SRSF11: variants seen among roughly 807,000 people sequenced by gnomAD.
The protein encoded by SRSF11 is serine and arginine rich splicing factor 11.
In SRSF11, 9 loss-of-function variants were observed where a neutral mutation model predicts 56.0. The ratio of observed to expected loss-of-function variants is 0.16; its 90% CI spans 0.10 to 0.28. SRSF11 has a LOEUF of 0.28. Ranked by LOEUF, SRSF11 falls within the 10% of genes least tolerant of loss-of-function variation. The probability of loss-of-function intolerance (pLI) is 1.00; values close to 1 mark genes in which losing one functional copy is unlikely to be tolerated. For missense variants in SRSF11, 421 were observed against 600.7 expected (o/e 0.70, Z 3.13); for synonymous variants, 222 against 215.3 (o/e 1.03, Z -0.27).
intron 7 of SRSF11, among the ~76,000 whole-genome samples, chr1:70,239,739 G>T (rs1674905673): frequency 6.6e-6 from 1 of 152,110 alleles, no homozygotes; most frequent in South Asian, 2.1e-4. Flanking sequence ...TTCAGAGGTG[G>T]TAGGAAAGCA....
intron 5 of SRSF11, among the ~76,000 whole-genome samples, chr1:70,236,455 C>G (rs529093143): frequency 1.3e-5 from 2 of 151,848 alleles, no homozygotes; most frequent in South Asian, 4.2e-4. Flanking sequence ...CTTAGCCTCC[C>G]AAGTAGCTGG....
At chr1:70,223,792 G>A (rs1271069160) in intron 1 of SRSF11, among the ~76,000 whole-genome samples, 1 of 152,112 alleles carries the variant, frequency 6.6e-6, no homozygotes, top group Non-Finnish European at 1.5e-5. Flanking sequence ...GGCACAAGTT[G>A]CATATAGTTC....
At chr1:70,217,909 C>G (rs1257073968), upstream of SRSF11, among the ~76,000 whole-genome samples, 5 of 152,142 alleles carry the variant, frequency 3.3e-5, no homozygotes, top group Non-Finnish European at 7.4e-5. Context: ...GACACAGGTT[C>G]TTAGAAGTGA....
chr1:70,207,669 A>T (rs1277169240), intron 1 of SRSF11, among the ~76,000 whole-genome samples: 1 of 151,592 alleles, frequency 6.6e-6, no homozygotes, highest in Non-Finnish European at 1.5e-5. Context: ...GAATTGCTCG[A>T]GTACAAAATT....
intron 5 of SRSF11, 79 bp from the exon 6 acceptor site, chr1:70,237,346 T>TTA: frequency 6.4e-7 from 1 of 1,559,800 alleles, no homozygotes; most frequent in Non-Finnish European, 8.7e-7. Flanking sequence ...TAAAATAATG[T>TTA]TATATACTTA....
chr1:70,205,762 C>T (rs1032618727), exon 1 of SRSF11: 14 of 461,070 alleles, frequency 3.0e-5, no homozygotes, highest in Non-Finnish European at 4.3e-5. Context: ...GCCTAGCGTC[C>T]TGGAATTACT....
intron 2 of SRSF11, chr1:70,229,789 G>A (rs1203971542): frequency 4.1e-6 from 4 of 983,972 alleles, no homozygotes; most frequent in Middle Eastern, 5.2e-4. Flanking sequence ...GTTTTCTAAA[G>A]AAATTAACTT....
chr1:70,234,932 A>G, intron 4 of SRSF11, 144 bp downstream of exon 4: 1 of 608,196 alleles, frequency 1.6e-6, no homozygotes. Flanking sequence ...AGCTTTAAAC[A>G]GTCACTGAAT....
Position 70,225,396 on chromosome 1 carries a change from A to G in SRSF11, c.204-3026A>G, listed in dbSNP as rs3753816. 0.017 allele frequency among the ~76,000 whole-genome samples: 2,573 copies of G among 152,300 alleles called. 137 individuals are homozygous for G. In the East Asian group the frequency reaches 0.2, roughly 12 times the overall value. On this transcript the variant is annotated intron_variant, in intron 1 of 11. Transcript: ENST00000370949. ...TTTCTTTACATAGTGAGAAGGGGGC[A>G]CATGAGGTCAGCAGTCAAGTTTTCA... is the stretch of plus-strand genomic sequence containing the variant.
At chr1:70,213,490 A>C (rs1290565464) in intron 1 of SRSF11, among the ~76,000 whole-genome samples, 2 of 152,134 alleles carry the variant, frequency 1.3e-5, no homozygotes, top group Non-Finnish European at 2.9e-5. Context: ...TGTGAGTTTA[A>C]ATTTTTGTGG....
chr1:70,237,451 T>C lies in SRSF11; in HGVS notation c.617T>C (p.Val206Ala). The C allele has an allele frequency of 6.2e-7, 1 of 1,613,736 alleles. No individual in the cohort carries two copies. The highest frequency in any genetic ancestry group is 8.5e-7 in the Non-Finnish European group (1 of 1,179,976). Residue 206 changes from valine (V) to alanine (A), a missense_variant, in exon 6 of 12, where the codon GTT (valine) becomes GCT (alanine). Physicochemically the swap from Val to Ala is moderately conservative, Grantham distance 64 (BLOSUM62 0). Coordinates refer to ENST00000370949, the MANE Select transcript of SRSF11 (RefSeq NM_001350605.2). ...PKLNHVAAGLVSPSLKSDTSS... is the reference protein window; with the variant it reads ...PKLNHVAAGLASPSLKSDTSS... ...TTGAATCATGTAGCTGCTGGTCTCG[T>C]TTCACCAAGTCTGAAATCGGATACC...
intron 2 of SRSF11, chr1:70,229,494 G>C: frequency 1.1e-5 from 11 of 985,010 alleles, no homozygotes; most frequent in Non-Finnish European, 1.3e-5. Context: ...TTTATAATTA[G>C]TTTGTTCCCA....
intron 1 of SRSF11, among the ~76,000 whole-genome samples, chr1:70,209,164 A>G (rs1399560073): frequency 6.6e-6 from 1 of 152,234 alleles, no homozygotes; most frequent in African/African-American, 2.4e-5. Context: ...CATAACAGAA[A>G]GTAAGACTGT....
chr1:70,212,788 A>G (rs1175494346), intron 1 of SRSF11, among the ~76,000 whole-genome samples: 1 of 152,216 alleles, frequency 6.6e-6, no homozygotes, highest in African/African-American at 2.4e-5. Flanking sequence ...AGATGAGGAA[A>G]GCCAAGTGTC....
Position 70,222,175 on chromosome 1 carries a change from A to T in SRSF11, c.203+336A>T, listed in dbSNP as rs182180314. The stretch of plus-strand genomic sequence containing the variant: ...CGTATATAGGTTAAATCCCTTTTTT[A>T]AAAAACTGAGTATTTGTTCTTTGCG... On this transcript the variant is annotated intron_variant, in intron 1 of 11. Coordinates refer to ENST00000370949, the MANE Select transcript of SRSF11 (RefSeq NM_001350605.2). 2.0e-4 allele frequency among the ~76,000 whole-genome samples: 30 copies of T among 152,192 alleles called. 1 individual carries two copies. Among genetic ancestry groups the T allele is most frequent in the Admixed American group, 1.6e-3 (24 of 15,302 alleles).
intron 1 of SRSF11, among the ~76,000 whole-genome samples, chr1:70,225,906 C>CT (rs1671671872): frequency 6.6e-6 from 1 of 152,148 alleles, no homozygotes; most frequent in South Asian, 2.1e-4. Context: ...CATCAGTCCT[C>CT]TATCTTATAT....
Position 70,252,828 on chromosome 1 carries a change from CA to C in SRSF11, c.*2024del, listed in dbSNP as rs1425681527. On this transcript the variant is annotated 3_prime_UTR_variant, in exon 12 of 12. Coordinates refer to ENST00000370949, the MANE Select transcript of SRSF11 (RefSeq NM_001350605.2). ...ATATACTAGCTTTTCTAAAGGGAAT[CA>C]TTTTTTTAAAAGTAGTGCCACTGAC... The C allele has an allele frequency of 2.6e-5, 4 of 152,142 alleles. No homozygotes were observed. The highest frequency in any genetic ancestry group is 5.9e-5 in the Non-Finnish European group (4 of 68,010). 9.4% of individuals were successfully genotyped at this position (152,142 alleles called of 1,614,324 possible).
At position 70,221,421 on chromosome 1, in the gene SRSF11, C is replaced by G. The variant is rs923711300; in HGVS notation, c.-216C>G. 5.5e-5 allele frequency: 25 copies of G among 457,972 alleles called. No homozygotes were observed. Among genetic ancestry groups the G allele is most frequent in the African/African-American group, 6.3e-5 (3 of 47,846 alleles). The allele number at this position is 457,972 out of a possible 1,614,324, so 28.4% of individuals were successfully genotyped here. On this transcript the variant is annotated 5_prime_UTR_variant, in exon 1 of 12. Coordinates refer to ENST00000370949, the MANE Select transcript of SRSF11 (RefSeq NM_001350605.2). Reference sequence around the variant, plus strand: ...GCGAGGTGGGGCGGCCGTTTGTTTTCTCGTGGTCTCGAGCTCGCGCGCTCT... The same window carrying G: ...GCGAGGTGGGGCGGCCGTTTGTTTTGTCGTGGTCTCGAGCTCGCGCGCTCT...
At chr1:70,236,326 C>CT (rs1256620243) in intron 5 of SRSF11, among the ~76,000 whole-genome samples, 1 of 146,438 alleles carries the variant, frequency 6.8e-6, no homozygotes. Context: ...TTTCTTCTTT[C>CT]TTTTTCTTTT....
Sources: gnomAD v4.1 joint callset for allele counts (sites outside exome capture counted in the v4.1 genomes callset) on GRCh38, gnomAD v4.1.1 for gene constraint, MANE v1.5 for transcripts, NCBI Gene and HGNC (gene_info 2026-07-23, HGNC 2026-07-21) for gene names.